The following UCHL5 variants were observed in gnomAD, a reference collection of about 807,000 sequenced individuals.
UCHL5 encodes the protein ubiquitin C-terminal hydrolase L5, also known as ubiquitin carboxyl-terminal hydrolase isozyme L5.
UCHL5 carries 34 observed loss-of-function variants against 53.8 expected under a neutral mutation model. That is an observed-to-expected ratio of 0.63 (90% confidence interval 0.48 to 0.84). UCHL5 has a LOEUF of 0.84. Among genes scored for constraint, UCHL5 ranks in the 40% least tolerant of loss-of-function variants. The pLI, the probability that UCHL5 is intolerant of heterozygous loss-of-function variation, is 0.00. For synonymous variants in UCHL5, 111 were observed against 126.3 expected, an observed-to-expected ratio of 0.88 and a Z score of 0.81; for missense variants, 290 against 385.6, an observed-to-expected ratio of 0.75 and a Z score of 2.08.
intron 7 of UCHL5, among the ~76,000 whole-genome samples, chr1:193,024,591 AAATAT>A (rs1368899486): frequency 6.7e-6 from 1 of 148,614 alleles, no homozygotes; most frequent in African/African-American, 2.4e-5. Context: ...ATATGTAAAT[AAATAT>A]AACATATTTT....
intron 3 of UCHL5, among the ~76,000 whole-genome samples, chr1:193,040,161 T>C (rs1665053361): frequency 6.6e-6 from 1 of 152,052 alleles, no homozygotes. Flanking sequence ...TACATCAAAC[T>C]AAGAAGCTTC....
In UCHL5 at chr1:193,015,514, A is replaced by G. The variant is rs1206380959; in HGVS notation, c.*837T>C. On this transcript the variant is annotated 3_prime_UTR_variant, in exon 11 of 11. Coordinates refer to ENST00000367454, the MANE Select transcript of UCHL5 (RefSeq NM_001199261.3). ...CTGTACGAAATTTATTCAAATTGGC[A>G]TAGAAAGACCCCCATCACCACTACC... 1 of 152,046 alleles carries G rather than the reference A, an allele frequency of 6.6e-6. No individual in the cohort carries two copies. Among genetic ancestry groups the G allele is most frequent in the East Asian group, 1.9e-4 (1 of 5,204 alleles). 9.4% of individuals were successfully genotyped at this position (152,046 alleles called of 1,614,324 possible). A position where few individuals can be genotyped will look rare whatever the true frequency, so the allele number is the denominator to read the frequency against.
rs1264329302 is a variant in UCHL5 at position 193,015,518 on chromosome 1, A to ATGGC, written c.*832_*833insGCCA. The ATGGC allele has an allele frequency of 5.9e-5, 9 of 152,016 alleles. No individual in the cohort carries two copies. The highest frequency in any genetic ancestry group is 2.2e-4 in the African/African-American group (9 of 41,442). 9.4% of individuals were successfully genotyped at this position (152,016 alleles called of 1,614,324 possible). A position where few individuals can be genotyped will look rare whatever the true frequency, so the allele number is the denominator to read the frequency against. On this transcript the variant is annotated 3_prime_UTR_variant, in exon 11 of 11. Coordinates refer to ENST00000367454, the MANE Select transcript of UCHL5 (RefSeq NM_001199261.3). ...ACGAAATTTATTCAAATTGGCATAG[A>ATGGC]AAGACCCCCATCACCACTACCATCT...
intron 10 of UCHL5, chr1:193,018,749 T>C (rs895335614): frequency 6.6e-7 from 1 of 1,505,358 alleles, no homozygotes; most frequent in Non-Finnish European, 8.9e-7. Context: ...TAGCACTGCA[T>C]GGTGCAGCCA....
At chr1:193,026,673 G>A (rs1264206894) in intron 7 of UCHL5, among the ~76,000 whole-genome samples, 6 of 150,796 alleles carry the variant, frequency 4.0e-5, no homozygotes, top group Non-Finnish European at 7.4e-5. Flanking sequence ...AGTCACTCTG[G>A]AAAAGAGTTT....
At chr1:193,022,696 C>A (rs1571487394) in intron 9 of UCHL5, among the ~76,000 whole-genome samples, 4 of 149,038 alleles carry the variant, frequency 2.7e-5, no homozygotes. Context: ...ATAATAACTA[C>A]AGTGAACTGA....
intron 7 of UCHL5, among the ~76,000 whole-genome samples, chr1:193,025,596 C>G (rs939723093): frequency 1.3e-5 from 2 of 152,138 alleles, no homozygotes; most frequent in Non-Finnish European, 2.9e-5. Flanking sequence ...CCCATCTCTG[C>G]CCAGCAATAA....
chr1:193,025,498 T>G (rs1049259061), intron 7 of UCHL5, among the ~76,000 whole-genome samples: 5 of 152,194 alleles, frequency 3.3e-5, no homozygotes, highest in African/African-American at 7.2e-5. Flanking sequence ...CCTCATCCAC[T>G]TCAGTATGAG....
At chr1:193,019,330 T>C (rs904136690) in intron 10 of UCHL5, among the ~76,000 whole-genome samples, 15 of 151,698 alleles carry the variant, frequency 9.9e-5, no homozygotes, top group African/African-American at 3.4e-4. Context: ...GTCTCAGTTA[T>C]GTATACATCC....
At chr1:193,018,055 A>T (rs1415526788) in intron 10 of UCHL5, among the ~76,000 whole-genome samples, 2 of 151,588 alleles carry the variant, frequency 1.3e-5, no homozygotes, top group Non-Finnish European at 3.0e-5. Context: ...CAATGATATT[A>T]AAAAGTACTG....
intron 1 of UCHL5, among the ~76,000 whole-genome samples, chr1:193,052,143 T>C (rs768119266): frequency 1.1e-4 from 16 of 152,172 alleles, no homozygotes; most frequent in East Asian, 1.9e-4. Flanking sequence ...TTTAGCCTTA[T>C]ATTATTATTA....
At position 193,026,762 on chromosome 1, in the gene UCHL5, G is replaced by T. The variant is rs773433550; in HGVS notation, c.629+1323C>A. Among the ~76,000 whole-genome samples, 11 of 150,498 alleles carry T rather than the reference G, an allele frequency of 7.3e-5. No homozygotes were observed. The South Asian group carries it at 2.3e-3, about 31-fold the overall frequency. On this transcript the variant is annotated intron_variant, in intron 7 of 10. Coordinates refer to ENST00000367454, the MANE Select transcript of UCHL5 (RefSeq NM_001199261.3). ...GCAACACATAGGCATTTATCCCAGAGAAATGAAAACTTGCAGTCACAAAAA... is the reference window on the plus strand; with the variant it reads ...GCAACACATAGGCATTTATCCCAGATAAATGAAAACTTGCAGTCACAAAAA...
chr1:193,034,129 T>C (rs537998935), intron 3 of UCHL5, among the ~76,000 whole-genome samples: 2 of 152,194 alleles, frequency 1.3e-5, no homozygotes, highest in African/African-American at 2.4e-5. Flanking sequence ...CAGGAAGGAC[T>C]GAAGGCGGCT....
chr1:193,047,565 A>C (rs1667746486), intron 3 of UCHL5, among the ~76,000 whole-genome samples: 1 of 152,214 alleles, frequency 6.6e-6, no homozygotes, highest in Admixed American at 6.5e-5. Context: ...CTTTATCTCA[A>C]GGGCAGTAAT....
chr1:193,047,993 GTCT>G (rs1667885758), intron 3 of UCHL5, among the ~76,000 whole-genome samples: 2 of 10,030 alleles, frequency 2.0e-4, no homozygotes, highest in Admixed American at 1.9e-3. Context: ...TGGAGTACAA[GTCT>G]CAAGTCTTTA....
At chr1:193,038,399 G>C (rs1664358483) in intron 3 of UCHL5, among the ~76,000 whole-genome samples, 1 of 150,076 alleles carries the variant, frequency 6.7e-6, no homozygotes, top group Admixed American at 6.6e-5. Flanking sequence ...AGCTTGCAGT[G>C]AGCCGAGATC....
At chr1:193,027,787 G>C (rs1244195909) in intron 7 of UCHL5, 2 of 659,236 alleles carry the variant, frequency 3.0e-6, no homozygotes, top group Non-Finnish European at 2.4e-6. Context: ...GAAATTTAGA[G>C]ATTTTCTGAA....
intron 3 of UCHL5, among the ~76,000 whole-genome samples, chr1:193,038,410 G>C (rs1054727169): frequency 2.7e-5 from 4 of 149,176 alleles, no homozygotes; most frequent in Non-Finnish European, 4.4e-5. Flanking sequence ...AGCCGAGATC[G>C]CGCCACTGCA....
At chr1:193,045,029 C>T (rs1438839383) in intron 3 of UCHL5, among the ~76,000 whole-genome samples, 2 of 152,128 alleles carry the variant, frequency 1.3e-5, no homozygotes, top group South Asian at 2.1e-4. Context: ...TCATACTCTA[C>T]TATCATTTTT....
Sources: gnomAD v4.1 joint callset for allele counts (sites outside exome capture counted in the v4.1 genomes callset) on GRCh38, gnomAD v4.1.1 for gene constraint, MANE v1.5 for transcripts, NCBI Gene and HGNC (gene_info 2026-07-23, HGNC 2026-07-21) for gene names.